The following CRACD variants were observed in gnomAD, a reference collection of about 807,000 sequenced individuals.
CRACD encodes capping protein-inhibiting regulator of actin dynamics.
A neutral mutation model predicts 106.8 loss-of-function variants in CRACD; 56 were observed. The ratio of observed to expected loss-of-function variants is 0.52; its 90% CI spans 0.42 to 0.66. CRACD has a LOEUF of 0.66. Among genes scored for constraint, CRACD ranks in the 30% least tolerant of loss-of-function variants. The pLI, the probability that CRACD is intolerant of heterozygous loss-of-function variation, is 0.00. For missense variants in CRACD, 1,730 were observed against 1,623.2 expected, an observed-to-expected ratio of 1.07 and a Z score of -1.13; for synonymous variants, 754 against 670.8, an observed-to-expected ratio of 1.12 and a Z score of -1.92.
At chr4:56,292,382 AAGTAGTCTG>A (rs1743744026) in intron 3 of CRACD, among the ~76,000 whole-genome samples, 2 of 152,192 alleles carry the variant, frequency 1.3e-5, no homozygotes, top group African/African-American at 4.8e-5. Context: ...GGCAAAACAG[AAGTAGTCTG>A]AGCCTTACAA....
chr4:56,175,529 T>C lies in CRACD; in HGVS notation c.-335-3755T>C, dbSNP rs80204313. On this transcript the variant is annotated intron_variant, in intron 1 of 10. Transcript: ENST00000682029. ...AAAATTTTTTAAATTTTTGTGGGTA[T>C]GTAGTTATGAATTACATGAGATATT... Among the ~76,000 whole-genome samples, 7 of 152,314 alleles carry C rather than the reference T, an allele frequency of 4.6e-5. 1 individual carries two copies. The South Asian group carries it at 1.5e-3, about 32-fold the overall frequency.
chr4:56,201,645 T>G (rs943789627), intron 2 of CRACD, among the ~76,000 whole-genome samples: 2 of 152,266 alleles, frequency 1.3e-5, no homozygotes, highest in African/African-American at 4.8e-5. Flanking sequence ...GCTTGGGGGA[T>G]GTAGATGAAA....
Position 56,307,623 on chromosome 4 carries a change from A to C in CRACD, c.209A>C (p.Glu70Ala). 6.2e-7 allele frequency: 1 copy of C among 1,614,186 alleles called. No individual in the cohort carries two copies. Among genetic ancestry groups the C allele is most frequent in the Admixed American group, 1.7e-5 (1 of 60,034 alleles). ...NKANSGEASL[E>A]EDLFLTSPME... ...GCAAACAGTGGAGAGGCTAGCTTAG[A>C]AGAGGATCTGTTCCTGACCAGTCCC... The change falls in exon 5 of 11, where the codon GAA (glutamate) becomes GCA (alanine). Residue 70 changes from glutamate (E) to alanine (A), a missense_variant. Transcript: ENST00000682029.
chr4:56,298,213 G>C lies in CRACD; in HGVS notation c.-16-1G>C, dbSNP rs982089166. Reference sequence around the variant, plus strand: ...AATGAAGCACATGATTTACCTTCCAGGTCCTTCAACTATTCTATGGGAACC... The same window carrying C: ...AATGAAGCACATGATTTACCTTCCACGTCCTTCAACTATTCTATGGGAACC... On this transcript the variant is annotated splice_acceptor_variant, in intron 3 of 10. Transcript: ENST00000682029. LOFTEE classifies it low-confidence loss of function (5UTR_SPLICE). 2.2e-5 allele frequency: 36 copies of C among 1,612,156 alleles called. No homozygotes were observed. The highest frequency in any genetic ancestry group is 2.7e-5 in the Non-Finnish European group (32 of 1,179,344).
In CRACD at chr4:56,209,758, T is replaced by A. The variant is rs577727471; in HGVS notation, c.-189+30328T>A. On this transcript the variant is annotated intron_variant, in intron 2 of 10. Coordinates refer to ENST00000682029, the MANE Select transcript of CRACD (RefSeq NM_001393381.1). The stretch of plus-strand genomic sequence containing the variant: ...ACAAATGACTCCCATTTTATGATTA[T>A]GCTTTAACATAACATCACTTTAAGA... 3.3e-5 allele frequency among the ~76,000 whole-genome samples: 5 copies of A among 152,338 alleles called. No individual in the cohort carries two copies. The East Asian group carries it at 9.6e-4, about 29-fold the overall frequency.
At position 56,315,069 on chromosome 4, in the gene CRACD, C is replaced by T. The variant is rs1310361150; in HGVS notation, c.1567C>T (p.Arg523Trp). The T allele has an allele frequency of 1.2e-6, 2 of 1,610,008 alleles. No individual in the cohort carries two copies. The highest frequency in any genetic ancestry group is 1.7e-6 in the Non-Finnish European group (2 of 1,178,820). The change falls in exon 8 of 11, where the codon CGG becomes TGG. Residue 523 changes from arginine to tryptophan, a missense_variant. Transcript: ENST00000682029. The surrounding 1 kb of genome is among the most constrained non-coding windows in gnomAD (Gnocchi z 4.1). ...LEQGRKVEEL[R>W]WQEVDERQTM... ...ACAAGGCCGCAAGGTGGAGGAGCTG[C>T]GGTGGCAGGAGGTGGACGAGAGACA...
At chr4:56,178,108 A>T (rs1408501016) in intron 1 of CRACD, among the ~76,000 whole-genome samples, 1 of 152,080 alleles carries the variant, frequency 6.6e-6, no homozygotes, top group East Asian at 1.9e-4. Context: ...TGTTGATGAG[A>T]TTGTGTAAAC....
intron 1 of CRACD, among the ~76,000 whole-genome samples, chr4:56,112,658 A>T (rs1734157550): frequency 6.6e-6 from 1 of 152,164 alleles, no homozygotes; most frequent in Non-Finnish European, 1.5e-5. Context: ...ACTCAAGGAC[A>T]TATGTTATAA....
chr4:56,059,573 A>G (rs1258644785), intron 1 of CRACD, among the ~76,000 whole-genome samples: 3 of 152,228 alleles, frequency 2.0e-5, no homozygotes, highest in African/African-American at 7.2e-5. Flanking sequence ...TACTGAACAT[A>G]TACCATGTAT....
At chr4:56,318,085 A>T (rs1175445923) in intron 8 of CRACD, among the ~76,000 whole-genome samples, 2 of 152,044 alleles carry the variant, frequency 1.3e-5, no homozygotes, top group East Asian at 3.9e-4. Context: ...CAGAGGAATG[A>T]TTTGTTTCCT....
intron 1 of CRACD, among the ~76,000 whole-genome samples, chr4:56,055,461 C>T (rs1182385207): frequency 2.6e-5 from 4 of 151,892 alleles, no homozygotes; most frequent in Admixed American, 6.6e-5. Context: ...TTACTCCAAA[C>T]CCCATTGCCA....
chr4:56,088,416 A>C (rs941446594), intron 1 of CRACD, among the ~76,000 whole-genome samples: 6 of 151,172 alleles, frequency 4.0e-5, no homozygotes, highest in African/African-American at 1.5e-4. Flanking sequence ...GGCTCCTGCA[A>C]TCTCTGCCTC....
At chr4:56,090,212 G>C (rs980948085) in intron 1 of CRACD, among the ~76,000 whole-genome samples, 1 of 151,650 alleles carries the variant, frequency 6.6e-6, no homozygotes, top group Admixed American at 6.6e-5. Context: ...TACACAGGTA[G>C]TTTCACAAGT....
intron 3 of CRACD, among the ~76,000 whole-genome samples, chr4:56,284,590 TGGTG>T (rs1743225331): frequency 6.6e-6 from 1 of 152,014 alleles, no homozygotes; most frequent in Non-Finnish European, 1.5e-5. Flanking sequence ...CCAGGCGTGG[TGGTG>T]GGTACCTGTA....
chr4:56,221,996 C>T (rs192359807), intron 2 of CRACD, among the ~76,000 whole-genome samples: 10 of 152,296 alleles, frequency 6.6e-5, no homozygotes, highest in Admixed American at 2.0e-4. Context: ...GTTTAAAGAA[C>T]TAAAAGTAGA....
At chr4:56,214,653 C>CTCTCTCTCTCTCTCTCTCTCTCTCTCTT (rs1491289311) in intron 2 of CRACD, among the ~76,000 whole-genome samples, 1 of 66,290 alleles carries the variant, frequency 1.5e-5, no homozygotes, top group Non-Finnish European at 3.3e-5. Context: ...GAGCTAGACA[C>CTCTCTCTCTCTCTCTCTCTCTCTCTCTT]TCTCTCTCTC....
intron 2 of CRACD, among the ~76,000 whole-genome samples, chr4:56,214,675 C>CTA (rs1326712395): frequency 7.0e-4 from 49 of 70,218 alleles, no homozygotes; most frequent in Middle Eastern, 0.014. Context: ...CTCTCTCTCT[C>CTA]TCTCTCTATA....
chr4:56,314,655 G>T lies in CRACD; in HGVS notation c.1153G>T (p.Ala385Ser), dbSNP rs78564111. The T allele has an allele frequency of 1.4e-5, 22 of 1,547,604 alleles. No individual in the cohort carries two copies. In the African/African-American group the frequency reaches 2.9e-4, roughly 20 times the overall value. Reference protein sequence around the residue: ...QEAEVQGPPEALEETGEGRRG... With the variant: ...QEAEVQGPPESLEETGEGRRG... ...GGCGGAGGTGCAGGGGCCGCCCGAG[G>T]CGTTGGAGGAGACTGGGGAGGGCCG... is the stretch of plus-strand genomic sequence containing the variant. The change falls in exon 8 of 11, where the codon GCG becomes TCG. Residue 385 changes from alanine to serine, a missense_variant. Ala to Ser is a moderately conservative substitution (Grantham distance 99). Coordinates refer to ENST00000682029, the MANE Select transcript of CRACD (RefSeq NM_001393381.1). This position sits in a 1 kb window ranked among gnomAD's most constrained non-coding sequence, Gnocchi z 4.4.
chr4:56,080,299 G>A (rs1012149724), intron 1 of CRACD, among the ~76,000 whole-genome samples: 5 of 152,194 alleles, frequency 3.3e-5, no homozygotes, highest in Non-Finnish European at 5.9e-5. Flanking sequence ...ATGATCATAT[G>A]TTCTGGCCCA....
Sources: allele counts gnomAD v4.1 joint callset (sites outside exome capture counted in the v4.1 genomes callset), GRCh38; gene constraint gnomAD v4.1.1; non-coding constraint Gnocchi (gnomAD v3.1); transcripts MANE v1.5; gene names NCBI Gene and HGNC (gene_info 2026-07-23, HGNC 2026-07-21).